Variants in CSMD1 observed in about 807,000 individuals in gnomAD.
CSMD1 encodes the protein CUB and sushi domain-containing protein 1.
CSMD1 carries 213 observed loss-of-function variants against 417.5 expected under a neutral mutation model. The ratio of observed to expected loss-of-function variants is 0.51; its 90% CI spans 0.46 to 0.57. CSMD1 has a LOEUF of 0.57. Among genes scored for constraint, CSMD1 ranks in the 20% least tolerant of loss-of-function variants. The pLI is 0.00. For synonymous variants in CSMD1, 2,862 were observed against 1,736.8 expected (o/e 1.65, Z -16.11); for missense variants, 6,923 against 4,529.7 (o/e 1.53, Z -15.17).
At chr8:4,424,359 C>A (rs184743836) in intron 2 of CSMD1, among the ~76,000 whole-genome samples, 1 of 151,534 alleles carries the variant, frequency 6.6e-6, no homozygotes, top group African/African-American at 2.4e-5. Context: ...GGCAAACAAT[C>A]CAATTAGAAA....
intron 69 of CSMD1, among the ~76,000 whole-genome samples, chr8:2,939,982 T>A (rs1169719246): frequency 6.6e-6 from 1 of 152,016 alleles, no homozygotes; most frequent in Admixed American, 6.6e-5. Flanking sequence ...GACGTGCAGG[T>A]GTGCAGCTGC....
At chr8:4,260,023 CACT>C (rs1350771882) in intron 3 of CSMD1, among the ~76,000 whole-genome samples, 31 of 23,640 alleles carry the variant, frequency 1.3e-3, no homozygotes, top group African/African-American at 2.0e-3. Context: ...TTCTTGTGCA[CACT>C]TTTTTTTTTT....
At chr8:3,201,418 A>G (rs1796986557) in intron 32 of CSMD1, among the ~76,000 whole-genome samples, 194 bp downstream of exon 32, 1 of 152,228 alleles carries the variant, frequency 6.6e-6, no homozygotes, top group South Asian at 2.1e-4. Context: ...TGATAAAAGC[A>G]CGTGATTTTA....
rs767016665 is a variant in CSMD1 at position 4,637,347 on chromosome 8, T to C, written c.297A>G (p.Lys99=). ...YDGQPQQGNL[K]VRLSGFQLPS... is the part of the protein sequence containing the mutation. ...ATAAAAAGTTGATACCTTACCTCAC[T>C]TTTAAATTCCCTTGTTGAGGCTGTC... is the stretch of plus-strand genomic sequence containing the variant. The change falls in exon 2 of 70, where the codon AAA becomes AAG. Residue 99 remains lysine (K), a synonymous_variant. Coordinates refer to ENST00000635120, the MANE Select transcript of CSMD1 (RefSeq NM_033225.6). 1.2e-6 allele frequency: 2 copies of C among 1,612,394 alleles called. No homozygotes were observed. Among genetic ancestry groups the C allele is most frequent in the Non-Finnish European group, 8.5e-7 (1 of 1,178,460 alleles).
At chr8:4,375,309 G>C (rs540042738) in intron 3 of CSMD1, among the ~76,000 whole-genome samples, 6 of 152,186 alleles carry the variant, frequency 3.9e-5, no homozygotes, top group Admixed American at 2.6e-4. Context: ...ATCTCCAAAA[G>C]CACCTTTCTT....
At chr8:4,890,426 G>T (rs779118389) in intron 1 of CSMD1, among the ~76,000 whole-genome samples, 1 of 151,594 alleles carries the variant, frequency 6.6e-6, no homozygotes, top group South Asian at 2.1e-4. Flanking sequence ...GCGTGACTCC[G>T]ACACCCTCCC....
rs531517824 is a variant in CSMD1 at position 3,223,743 on chromosome 8, G to C, written c.4470C>G (p.Ala1490=). The change falls in exon 28 of 70, where the codon GCC becomes GCG. Residue 1490 remains alanine, a synonymous_variant. Transcript: ENST00000635120. ...AGAGACGGTACCTTTTGAATATCAA[G>C]GCGATGACAAAGTCCGGGTTCACTT... ...RVKVNPDFVI[A]LIFKSFNMEP... The C allele has an allele frequency of 3.1e-6, 5 of 1,613,882 alleles. No individual in the cohort carries two copies. Among genetic ancestry groups the C allele is most frequent in the South Asian group, 2.2e-5 (2 of 91,074 alleles).
intron 1 of CSMD1, among the ~76,000 whole-genome samples, chr8:4,723,409 G>A (rs1260701461): frequency 1.3e-5 from 2 of 151,944 alleles, no homozygotes; most frequent in East Asian, 3.9e-4. Flanking sequence ...ACAAAAAGAG[G>A]GTTTAATACT....
intron 23 of CSMD1, among the ~76,000 whole-genome samples, chr8:3,308,944 C>T (rs895459368): frequency 4.6e-5 from 7 of 151,912 alleles, no homozygotes; most frequent in African/African-American, 7.3e-5. Context: ...AGGCTGGTCT[C>T]GAATACCTGA....
At chr8:3,321,218 T>A (rs557151016) in intron 23 of CSMD1, among the ~76,000 whole-genome samples, 1 of 152,130 alleles carries the variant, frequency 6.6e-6, no homozygotes, top group African/African-American at 2.4e-5. Context: ...CACACAAGAT[T>A]GCTGTTGTTG....
chr8:2,969,425 G>C (rs1310256860), intron 57 of CSMD1, among the ~76,000 whole-genome samples: 1 of 152,112 alleles, frequency 6.6e-6, no homozygotes, highest in Non-Finnish European at 1.5e-5. Context: ...TAAAAGACTA[G>C]ATGGCTAACA....
chr8:3,854,302 G>T (rs969846817), intron 5 of CSMD1, among the ~76,000 whole-genome samples: 1 of 151,650 alleles, frequency 6.6e-6, no homozygotes, highest in African/African-American at 2.4e-5. Context: ...TGAAATTTTA[G>T]TAGTGTGCAC....
chr8:3,713,694 AT>A (rs1801659514), intron 6 of CSMD1, among the ~76,000 whole-genome samples: 1 of 152,230 alleles, frequency 6.6e-6, no homozygotes. Flanking sequence ...AAACAAATAA[AT>A]AAAATGCAAA....
intron 1 of CSMD1, among the ~76,000 whole-genome samples, chr8:4,893,187 T>A (rs1035290649): frequency 6.6e-6 from 1 of 152,168 alleles, no homozygotes; most frequent in African/African-American, 2.4e-5. Context: ...TTCATCAGCT[T>A]TATTAACTCA....
At chr8:2,955,797 T>G in intron 63 of CSMD1, 29 bp from the exon 64 acceptor site, 1 of 1,602,412 alleles carries the variant, frequency 6.2e-7, no homozygotes, top group African/African-American at 1.3e-5. Context: ...ACATTGAGAC[T>G]TTGTTTATTG....
rs181712313 is a variant in CSMD1, at chr8:4,165,104, G to T, written c.416-133005C>A. Among the ~76,000 whole-genome samples, 4 of 152,224 alleles carry T rather than the reference G, an allele frequency of 2.6e-5. No homozygotes were observed. The East Asian group carries it at 7.7e-4, about 29-fold the overall frequency. The stretch of plus-strand genomic sequence containing the variant: ...ACAGATGTGTGTTTAGAGAAACTAA[G>T]AATTCATGTGCTGGTGCATGCATGA... On this transcript the variant is annotated intron_variant, in intron 3 of 69. Transcript: ENST00000635120.
intron 3 of CSMD1, among the ~76,000 whole-genome samples, chr8:4,241,778 T>G (rs940555632): frequency 1.3e-5 from 2 of 151,606 alleles, no homozygotes; most frequent in African/African-American, 4.9e-5. Flanking sequence ...ATCTCAGATG[T>G]CTGCTCACTA....
At chr8:3,553,757 C>A (rs1371039424) in intron 10 of CSMD1, among the ~76,000 whole-genome samples, 3 of 152,126 alleles carry the variant, frequency 2.0e-5, no homozygotes, top group Non-Finnish European at 4.4e-5. Flanking sequence ...ATTAATAAAT[C>A]TAGAGAGATG....
chr8:3,788,062 T>G (rs371070771), intron 5 of CSMD1, among the ~76,000 whole-genome samples: 3 of 152,202 alleles, frequency 2.0e-5, no homozygotes, highest in African/African-American at 7.2e-5. Flanking sequence ...TCAAAAAGCC[T>G]CTCCATCCAG....
Sources: allele counts gnomAD v4.1 joint callset (sites outside exome capture counted in the v4.1 genomes callset), GRCh38; gene constraint gnomAD v4.1.1; transcripts MANE v1.5; gene names NCBI Gene and HGNC (gene_info 2026-07-23, HGNC 2026-07-21).